The following GPR139 variants were observed in gnomAD, a reference collection of about 807,000 sequenced individuals.
The protein encoded by GPR139 is G protein-coupled receptor 139.
A neutral mutation model predicts 25.8 loss-of-function variants in GPR139; 12 were observed. The ratio of observed to expected loss-of-function variants is 0.47; its 90% confidence interval spans 0.30 to 0.75. GPR139 has a LOEUF of 0.75. Ranked by LOEUF, GPR139 falls within the 30% of genes least tolerant of loss-of-function variation. The pLI is 0.07. For synonymous variants in GPR139, 184 were observed against 179.9 expected, an observed-to-expected ratio of 1.02 and a Z score of -0.18; for missense variants, 380 against 450.2, an observed-to-expected ratio of 0.84 and a Z score of 1.41.
In GPR139 at chr16:20,049,534, G is replaced by A. The variant is rs960242782; in HGVS notation, c.128-16865C>T. ...TGTTAAGAAGACTGAGTAATTTAATGTGCGAAATCATCTGTACCATGCTTG... is the reference window on the plus strand; with the variant it reads ...TGTTAAGAAGACTGAGTAATTTAATATGCGAAATCATCTGTACCATGCTTG... On this transcript the variant is annotated intron_variant, in intron 1 of 1. Coordinates refer to ENST00000570682, the MANE Select transcript of GPR139 (RefSeq NM_001002911.4). Among the ~76,000 whole-genome samples, 7 of 152,324 alleles carry A rather than the reference G, an allele frequency of 4.6e-5. No individual in the cohort carries two copies. In the South Asian group the frequency reaches 1.5e-3, roughly 32 times the overall value.
chr16:20,058,584 A>T (rs2057399786), intron 1 of GPR139, among the ~76,000 whole-genome samples: 1 of 152,098 alleles, frequency 6.6e-6, no homozygotes, highest in African/African-American at 2.4e-5. Context: ...TCTGCGAGCT[A>T]TGTCTGCCAT....
intron 1 of GPR139, among the ~76,000 whole-genome samples, chr16:20,039,145 T>C (rs542288384): frequency 2.6e-5 from 4 of 152,342 alleles, no homozygotes; most frequent in Admixed American, 2.0e-4. Flanking sequence ...ACTGCAAAGC[T>C]TCTTGGTTAT....
chr16:20,052,724 G>A (rs1233347410), intron 1 of GPR139, among the ~76,000 whole-genome samples: 1 of 151,492 alleles, frequency 6.6e-6, no homozygotes, highest in Non-Finnish European at 1.5e-5. Context: ...GTGAACCGGG[G>A]AGGCGGAGCT....
intron 1 of GPR139, among the ~76,000 whole-genome samples, chr16:20,047,356 C>G (rs972614267): frequency 1.3e-5 from 2 of 152,136 alleles, no homozygotes; most frequent in Non-Finnish European, 2.9e-5. Context: ...GAGGCCTGAC[C>G]TGGCCTCCCA....
intron 1 of GPR139, among the ~76,000 whole-genome samples, chr16:20,070,638 C>T (rs1248847127): frequency 6.6e-6 from 1 of 152,220 alleles, no homozygotes; most frequent in African/African-American, 2.4e-5. Flanking sequence ...GCTAAACATT[C>T]AGGCGCTCCC....
rs1426445651 is a variant in GPR139 at position 20,073,625 on chromosome 16, C to T, written c.-9G>A. The T allele has an allele frequency of 1.3e-6, 2 of 1,579,956 alleles. No homozygotes were observed. The highest frequency in any genetic ancestry group is 1.7e-6 in the Non-Finnish European group (2 of 1,162,862). On this transcript the variant is annotated 5_prime_UTR_variant, in exon 1 of 2. Transcript: ENST00000570682. The surrounding 1 kb of genome is among the most constrained non-coding windows in gnomAD (Gnocchi z 4.7). The stretch of plus-strand genomic sequence containing the variant: ...GCGTGCGTGTGCTCCATGAGCGCGC[C>T]CCTCGCTCCCCTTGCCGCTTCGCGC...
chr16:20,032,228 G>T lies in GPR139; in HGVS notation c.569C>A (p.Thr190Asn), dbSNP rs1460608621. ...HHVLIWIHCF[T>N]VYLVPCSIFF... ...GATGGAGCAGGGCACCAGGTAGACG[G>T]TGAAGCAGTGGATCCAGATGAGGAC... is the stretch of plus-strand genomic sequence containing the variant. Residue 190 changes from threonine (T) to asparagine (N), a missense_variant, in exon 2 of 2, where the codon ACC (threonine) becomes AAC (asparagine). Physicochemically the swap from Thr to Asn is moderately conservative, Grantham distance 65. Transcript: ENST00000570682. 5.6e-6 allele frequency: 9 copies of T among 1,614,230 alleles called. No homozygotes were observed. Among genetic ancestry groups the T allele is most frequent in the Non-Finnish European group, 7.6e-6 (9 of 1,180,044 alleles).
rs1361079570 is a variant in GPR139, at chr16:20,041,232, A to G, written c.128-8563T>C. On this transcript the variant is annotated intron_variant, in intron 1 of 1. Coordinates refer to ENST00000570682, the MANE Select transcript of GPR139 (RefSeq NM_001002911.4). ...AGAGGAGAGGAGAGGAGAGGAGAGG[A>G]GAGGAGAGGAGAGGAGAGGGAAGGA... Among the ~76,000 whole-genome samples the G allele has an allele frequency of 5.8e-4, 3 of 5,156 alleles. 1 individual carries two copies. Among genetic ancestry groups the G allele is most frequent in the Admixed American group, 4.0e-3 (2 of 498 alleles). 3.4% of individuals were successfully genotyped at this position (5,156 alleles called of 152,430 possible).
At chr16:20,063,133 G>T (rs2057419674) in intron 1 of GPR139, among the ~76,000 whole-genome samples, 1 of 152,226 alleles carries the variant, frequency 6.6e-6, no homozygotes, top group Non-Finnish European at 1.5e-5. Flanking sequence ...AATATCAAAT[G>T]CTCAGTAGCT....
At chr16:20,061,071 G>A (rs1266697895) in intron 1 of GPR139, among the ~76,000 whole-genome samples, 2 of 151,784 alleles carry the variant, frequency 1.3e-5, no homozygotes, top group African/African-American at 2.4e-5. Context: ...CTGTGTGTGT[G>A]TGTGTGTGTG....
intron 1 of GPR139, among the ~76,000 whole-genome samples, chr16:20,034,305 A>C (rs28413127): frequency 0.058 from 8,884 of 152,232 alleles, 337 homozygotes; most frequent in East Asian, 0.16. Context: ...TTCTTATAAT[A>C]AACACACCTG....
Position 20,030,980 on chromosome 16 carries a change from T to C in GPR139, c.*755A>G, listed in dbSNP as rs145733151. 4.6e-3 allele frequency among the ~76,000 whole-genome samples: 695 copies of C among 152,136 alleles called. 7 individuals are homozygous for C. The highest frequency in any genetic ancestry group is 0.037 in the Middle Eastern group (11 of 294). On this transcript the variant is annotated 3_prime_UTR_variant, in exon 2 of 2. Coordinates refer to ENST00000570682, the MANE Select transcript of GPR139 (RefSeq NM_001002911.4). Reference sequence around the variant, plus strand: ...GGCTTATTTTTTTGTTTTTCTGGGCTCGAGAATTCCTCCTTTCCCCCTGCG... The same window carrying C: ...GGCTTATTTTTTTGTTTTTCTGGGCCCGAGAATTCCTCCTTTCCCCCTGCG...
intron 1 of GPR139, among the ~76,000 whole-genome samples, chr16:20,050,922 G>A (rs1414062033): frequency 6.6e-6 from 1 of 151,906 alleles, no homozygotes; most frequent in Non-Finnish European, 1.5e-5. Flanking sequence ...AATTAGCCAG[G>A]TGCAGTGTCA....
At chr16:20,051,077 A>G (rs1398787746) in intron 1 of GPR139, among the ~76,000 whole-genome samples, 1 of 129,664 alleles carries the variant, frequency 7.7e-6, no homozygotes, top group Non-Finnish European at 1.7e-5. Context: ...AAAAAAAAAG[A>G]AAGAAAGAAA....
At chr16:20,042,202 T>C (rs1378642166) in intron 1 of GPR139, among the ~76,000 whole-genome samples, 1 of 152,200 alleles carries the variant, frequency 6.6e-6, no homozygotes, top group Non-Finnish European at 1.5e-5. Flanking sequence ...TGAAATAATA[T>C]AGGCACAATA....
At chr16:20,051,536 G>T (rs957518147) in intron 1 of GPR139, among the ~76,000 whole-genome samples, 2 of 152,186 alleles carry the variant, frequency 1.3e-5, no homozygotes, top group African/African-American at 2.4e-5. Flanking sequence ...AGAGGACAAC[G>T]TCTAATTACC....
intron 1 of GPR139, among the ~76,000 whole-genome samples, chr16:20,043,798 G>T (rs993056324): frequency 6.6e-6 from 1 of 152,202 alleles, no homozygotes; most frequent in Non-Finnish European, 1.5e-5. Flanking sequence ...CACAAAGACA[G>T]ATGGGGTCAG....
In GPR139 at chr16:20,031,525, T is replaced by G. The variant is rs2057287999; in HGVS notation, c.*210A>C. On this transcript the variant is annotated 3_prime_UTR_variant, in exon 2 of 2. Transcript: ENST00000570682. ...GGAGCTTTTGCTGTCATTACGACTCTGTGGAAATAAATGCATAAGTAAAAA... is the reference window on the plus strand; with the variant it reads ...GGAGCTTTTGCTGTCATTACGACTCGGTGGAAATAAATGCATAAGTAAAAA... The G allele has an allele frequency of 5.2e-6, 3 of 579,188 alleles. No homozygotes were observed. Among genetic ancestry groups the G allele is most frequent in the Non-Finnish European group, 9.2e-6 (3 of 325,586 alleles). The allele number at this position is 579,188 out of a possible 1,614,324, so 35.9% of individuals were successfully genotyped here.
chr16:20,032,916 G>A (rs112061125), intron 1 of GPR139, among the ~76,000 whole-genome samples: 1 of 151,410 alleles, frequency 6.6e-6, no homozygotes, highest in Non-Finnish European at 1.5e-5. Context: ...CATCTTAGAA[G>A]TGAAACTGGG....
Sources: allele counts gnomAD v4.1 joint callset (sites outside exome capture counted in the v4.1 genomes callset), GRCh38; gene constraint gnomAD v4.1.1; non-coding constraint Gnocchi (gnomAD v3.1); transcripts MANE v1.5; gene names NCBI Gene and HGNC (gene_info 2026-07-23, HGNC 2026-07-21).